Variants in ROBO1 observed in about 807,000 individuals in gnomAD.
ROBO1 encodes the protein roundabout guidance receptor 1.
ROBO1 carries 149 observed loss-of-function variants against 195.9 expected under a neutral mutation model. The observed-to-expected ratio is 0.76, with a 90% CI of 0.67 to 0.87. The LOEUF is 0.87. Ranked by LOEUF, ROBO1 falls within the 40% of genes least tolerant of loss-of-function variation. ROBO1 has a pLI of 0.00. For synonymous variants in ROBO1, 816 were observed against 733.2 expected, an observed-to-expected ratio of 1.11 and a Z score of -1.82; for missense variants, 1,933 against 2,068.3, an observed-to-expected ratio of 0.93 and a Z score of 1.27.
intron 2 of ROBO1, among the ~76,000 whole-genome samples, chr3:79,249,811 G>A (rs867251022): frequency 1.8e-4 from 28 of 152,250 alleles, no homozygotes; most frequent in African/African-American, 5.5e-4. Flanking sequence ...AAGTGTGTAC[G>A]TTCCCAAACC....
intron 2 of ROBO1, among the ~76,000 whole-genome samples, chr3:79,457,970 T>G (rs1370444128): frequency 6.6e-6 from 1 of 152,122 alleles, no homozygotes; most frequent in Non-Finnish European, 1.5e-5. Context: ...AATTACAAAA[T>G]TTTAATTAGG....
chr3:79,450,500 AT>A (rs1395960083), intron 2 of ROBO1, among the ~76,000 whole-genome samples: 1 of 152,180 alleles, frequency 6.6e-6, no homozygotes, highest in Non-Finnish European at 1.5e-5. Flanking sequence ...CGAATAATGT[AT>A]TAGTTTTATG....
rs755073357 is a variant in ROBO1, at chr3:78,639,915, T to A, written c.2883-17A>T. 51 of 1,494,704 alleles carry A rather than the reference T, an allele frequency of 3.4e-5. 1 individual carries two copies. The South Asian group carries it at 6.2e-4, about 18-fold the overall frequency. 92.6% of individuals were successfully genotyped at this position (1,494,704 alleles called of 1,614,324 possible). A position where few individuals can be genotyped will look rare whatever the true frequency, so the allele number is the denominator to read the frequency against. On this transcript the variant is annotated splice_polypyrimidine_tract_variant and intron_variant, in intron 21 of 30. Transcript: ENST00000464233. ...AGTCCAGGCCTAAATAAAAAAAAAATATTAAAGCAAATGTTATATGAATAG... is the reference window on the plus strand; with the variant it reads ...AGTCCAGGCCTAAATAAAAAAAAAAAATTAAAGCAAATGTTATATGAATAG...
At chr3:79,590,343 TATA>T (rs1943959798) in intron 1 of ROBO1, among the ~76,000 whole-genome samples, 1 of 151,708 alleles carries the variant, frequency 6.6e-6, no homozygotes, top group African/African-American at 2.4e-5. Flanking sequence ...ACAAACAATT[TATA>T]ATGAGTCAAG....
At chr3:78,793,324 GAATTA>G (rs1559862254) in intron 4 of ROBO1, among the ~76,000 whole-genome samples, 2 of 152,078 alleles carry the variant, frequency 1.3e-5, no homozygotes, top group African/African-American at 4.8e-5. Context: ...ATCTCCTGCA[GAATTA>G]AAAGATAGCG....
chr3:79,269,985 T>TC, intron 2 of ROBO1, among the ~76,000 whole-genome samples: 1 of 151,818 alleles, frequency 6.6e-6, no homozygotes. Context: ...TGAAAATCAC[T>TC]TGCAGTAAAG....
chr3:78,672,317 C>T (rs546603002), intron 10 of ROBO1, among the ~76,000 whole-genome samples: 159 of 152,176 alleles, frequency 1.0e-3, no homozygotes, highest in African/African-American at 3.7e-3. Context: ...CTGGGGCTCA[C>T]GCCTGTAATC....
At chr3:78,643,550 A>C (rs1706097638) in intron 21 of ROBO1, among the ~76,000 whole-genome samples, 1 of 152,130 alleles carries the variant, frequency 6.6e-6, no homozygotes, top group African/African-American at 2.4e-5. Flanking sequence ...CAATCTTGGC[A>C]AATGGCAGGT....
chr3:79,576,867 T>A (rs1435507101), intron 2 of ROBO1, among the ~76,000 whole-genome samples: 2 of 152,188 alleles, frequency 1.3e-5, no homozygotes, highest in African/African-American at 4.8e-5. Flanking sequence ...CAGATTATTC[T>A]ATAGTTTGTA....
chr3:79,009,724 A>C (rs941731779), intron 3 of ROBO1, among the ~76,000 whole-genome samples: 3 of 152,224 alleles, frequency 2.0e-5, no homozygotes, highest in Non-Finnish European at 4.4e-5. Flanking sequence ...ATTGGAGAAG[A>C]ACACACCTTT....
At position 79,709,281 on chromosome 3, in the gene ROBO1, TA is replaced by T. The variant is rs539775518; in HGVS notation, c.-51+58470del. On this transcript the variant is annotated intron_variant, in intron 1 of 30. Transcript: ENST00000464233. Reference sequence around the variant, plus strand: ...ATGACCTAGCCTATTATATTACAGCTAAAAAATATACAAACTTGTCAAATCT... The same window carrying T: ...ATGACCTAGCCTATTATATTACAGCTAAAAATATACAAACTTGTCAAATCT... 4.5e-3 allele frequency among the ~76,000 whole-genome samples: 681 copies of T among 152,258 alleles called. 3 individuals carry two copies. Among genetic ancestry groups the T allele is most frequent in the African/African-American group, 0.015 (638 of 41,566 alleles).
At chr3:79,202,599 A>T (rs1576808792) in intron 2 of ROBO1, among the ~76,000 whole-genome samples, 1 of 148,264 alleles carries the variant, frequency 6.7e-6, no homozygotes, top group African/African-American at 2.5e-5. Flanking sequence ...GCAAAAAGTC[A>T]CTCATTTCAA....
chr3:78,676,722 G>A (rs1391832770), intron 10 of ROBO1, among the ~76,000 whole-genome samples: 1 of 152,206 alleles, frequency 6.6e-6, no homozygotes, highest in South Asian at 2.1e-4. Flanking sequence ...AAGTGACGGG[G>A]AGAATGGAAC....
At chr3:79,511,771 G>A (rs1178081883) in intron 2 of ROBO1, among the ~76,000 whole-genome samples, 1 of 152,046 alleles carries the variant, frequency 6.6e-6, no homozygotes, top group African/African-American at 2.4e-5. Context: ...TCTTTTTCAG[G>A]GACATGGATG....
At chr3:78,817,528 A>G (rs2030212386) in intron 4 of ROBO1, among the ~76,000 whole-genome samples, 1 of 152,188 alleles carries the variant, frequency 6.6e-6, no homozygotes, top group African/African-American at 2.4e-5. Context: ...TGAATTCACT[A>G]CATCAAAAGA....
At chr3:78,613,170 A>G (rs1703916529) in intron 28 of ROBO1, among the ~76,000 whole-genome samples, 1 of 152,308 alleles carries the variant, frequency 6.6e-6, no homozygotes, top group Admixed American at 6.5e-5. Flanking sequence ...TCAATGCCAG[A>G]TTCCCCTTTG....
intron 3 of ROBO1, among the ~76,000 whole-genome samples, chr3:79,095,825 T>C (rs1161215078): frequency 6.6e-6 from 1 of 152,026 alleles, no homozygotes; most frequent in African/African-American, 2.4e-5. Flanking sequence ...ACCACATTTT[T>C]TCACTTTATG....
intron 2 of ROBO1, among the ~76,000 whole-genome samples, chr3:79,406,367 T>C (rs1427398205): frequency 6.6e-6 from 1 of 151,920 alleles, no homozygotes; most frequent in South Asian, 2.1e-4. Context: ...TGGAGGTCAA[T>C]GCTACAGTGA....
Position 79,560,558 on chromosome 3 carries a change from T to TATATATATATATATATATATAC in ROBO1, c.88+29265_88+29266insGTATATATATATATATATATAT, listed in dbSNP as rs5850439. Among the ~76,000 whole-genome samples the TATATATATATATATATATATAC allele has an allele frequency of 5.3e-3, 682 of 129,274 alleles. 5 individuals carry two copies. The highest frequency in any genetic ancestry group is 7.4e-3 in the Non-Finnish European group (461 of 62,124). 84.8% of individuals were successfully genotyped at this position (129,274 alleles called of 152,430 possible). On this transcript the variant is annotated intron_variant, in intron 2 of 30. Transcript: ENST00000464233. ...AATTATATATATATATATATATATA[T>TATATATATATATATATATATAC]ACACATACACATACATAAAAAAAAA...
Sources: allele counts gnomAD v4.1 joint callset (sites outside exome capture counted in the v4.1 genomes callset), GRCh38; gene constraint gnomAD v4.1.1; transcripts MANE v1.5; gene names NCBI Gene and HGNC (gene_info 2026-07-23, HGNC 2026-07-21).